The following QTMAN variants were observed in gnomAD, a reference collection of about 807,000 sequenced individuals.
QTMAN encodes queuosine-tRNA mannosyltransferase, also known as tRNA-queuosine alpha-mannosyltransferase.
chr2:144,011,768 T>A, the QTMAN span: 2 of 983,924 alleles, frequency 2.0e-6, no homozygotes, highest in Non-Finnish European at 2.4e-6. Context: ...TAGGCACATG[T>A]CTGAACACTT....
the QTMAN span, among the ~76,000 whole-genome samples, chr2:144,008,911 G>A: frequency 6.6e-6 from 1 of 151,978 alleles, no homozygotes; most frequent in Non-Finnish European, 1.5e-5. Flanking sequence ...AAATCAGACT[G>A]CAGGAGGCTA....
the QTMAN span, among the ~76,000 whole-genome samples, chr2:144,127,641 A>C: frequency 6.6e-6 from 1 of 152,016 alleles, no homozygotes; most frequent in Non-Finnish European, 1.5e-5. Flanking sequence ...AGTGAAACAG[A>C]GGAGTAGGTG....
At chr2:144,075,050 C>T in the QTMAN span, among the ~76,000 whole-genome samples, 2,125 of 152,214 alleles carry the variant, frequency 0.014, 48 homozygotes, top group African/African-American at 0.049. Context: ...GTAAGCAATA[C>T]GGAATAAGTT....
At chr2:144,177,539 A>G in the QTMAN span, among the ~76,000 whole-genome samples, 1 of 152,214 alleles carries the variant, frequency 6.6e-6, no homozygotes, top group African/African-American at 2.4e-5. Flanking sequence ...TGGCCTCCCA[A>G]ATCAGAGATG....
At chr2:144,059,750 T>G in the QTMAN span, among the ~76,000 whole-genome samples, 30 of 152,110 alleles carry the variant, frequency 2.0e-4, no homozygotes, top group African/African-American at 7.2e-4. Flanking sequence ...CCTCTCCCCT[T>G]CTTCCCTGGG....
chr2:144,082,615 T>G, the QTMAN span, among the ~76,000 whole-genome samples: 2 of 151,956 alleles, frequency 1.3e-5, no homozygotes, highest in Non-Finnish European at 2.9e-5. Context: ...AAATGATGAT[T>G]ATAGGCACAT....
At chr2:144,139,469 C>T in the QTMAN span, among the ~76,000 whole-genome samples, 1 of 151,964 alleles carries the variant, frequency 6.6e-6, no homozygotes, top group East Asian at 1.9e-4. Flanking sequence ...TTAATCACAA[C>T]CATTAACAAA....
At chr2:144,331,813 G>C in the QTMAN span, among the ~76,000 whole-genome samples, 6 of 152,214 alleles carry the variant, frequency 3.9e-5, no homozygotes, top group African/African-American at 1.4e-4. Context: ...TTCCGGGGTG[G>C]GGGGCACAGT....
chr2:144,036,146 T>C, the QTMAN span, among the ~76,000 whole-genome samples: 2 of 152,170 alleles, frequency 1.3e-5, no homozygotes, highest in East Asian at 3.8e-4. Flanking sequence ...AGAAAAATAG[T>C]TCCAAATGTT....
the QTMAN span, among the ~76,000 whole-genome samples, chr2:144,292,523 G>A: frequency 1.3e-5 from 2 of 151,918 alleles, no homozygotes; most frequent in African/African-American, 4.8e-5. Context: ...ATTAGGGCTA[G>A]GACTATGTGT....
chr2:144,241,328 AATTT>A, the QTMAN span, among the ~76,000 whole-genome samples: 1 of 152,162 alleles, frequency 6.6e-6, no homozygotes, highest in African/African-American at 2.4e-5. Flanking sequence ...TTCTCTCCAC[AATTT>A]ACTAGCTATA....
At chr2:144,052,891 C>T in the QTMAN span, among the ~76,000 whole-genome samples, 9 of 152,148 alleles carry the variant, frequency 5.9e-5, no homozygotes, top group African/African-American at 1.9e-4. Context: ...TCAGGTGATC[C>T]ATCCACCTTG....
the QTMAN span, among the ~76,000 whole-genome samples, chr2:144,329,812 AC>A: frequency 6.6e-6 from 1 of 152,232 alleles, no homozygotes; most frequent in African/African-American, 2.4e-5. Flanking sequence ...ATGATTCAGG[AC>A]TTCCAGGCAC....
chr2:143,998,875 G>A, the QTMAN span, among the ~76,000 whole-genome samples: 1 of 151,954 alleles, frequency 6.6e-6, no homozygotes, highest in Admixed American at 6.6e-5. Flanking sequence ...AGAAACCATA[G>A]GCTTTGTAAA....
the QTMAN span, among the ~76,000 whole-genome samples, chr2:144,190,112 T>C: frequency 3.9e-5 from 6 of 152,338 alleles, no homozygotes; most frequent in East Asian, 7.7e-4. Context: ...CAATATAATA[T>C]ATAGAGCCAT....
At chr2:144,154,469 C>T in the QTMAN span, among the ~76,000 whole-genome samples, 2 of 152,046 alleles carry the variant, frequency 1.3e-5, no homozygotes, top group East Asian at 3.9e-4. Flanking sequence ...TACTCCTTAA[C>T]ACAAGAGGAA....
At chr2:144,161,016 A>T in the QTMAN span, among the ~76,000 whole-genome samples, 24 of 152,166 alleles carry the variant, frequency 1.6e-4, no homozygotes, top group African/African-American at 5.8e-4. Flanking sequence ...GAAATCCTCT[A>T]TGTTAGTCAG....
the QTMAN span, among the ~76,000 whole-genome samples, chr2:144,099,424 A>G: frequency 1.1e-4 from 16 of 152,194 alleles, no homozygotes; most frequent in Non-Finnish European, 1.6e-4. Flanking sequence ...AAAGATGCAA[A>G]GTCTTATAAT....
At chr2:144,108,084 A>G in the QTMAN span, among the ~76,000 whole-genome samples, 321 of 152,330 alleles carry the variant, frequency 2.1e-3, 1 homozygote, top group South Asian at 0.011. Flanking sequence ...TCGATAAATT[A>G]GGTATTGACG....
Sources: gnomAD v4.1 joint callset for allele counts (sites outside exome capture counted in the v4.1 genomes callset) on GRCh38, gnomAD v4.1.1 for gene constraint, MANE v1.5 for transcripts, NCBI Gene and HGNC (gene_info 2026-07-23, HGNC 2026-07-21) for gene names.